RFX3: variants seen among roughly 807,000 people sequenced by gnomAD.
RFX3 encodes regulatory factor X3, also known as transcription factor RFX3.
Under a neutral mutation model 98.6 loss-of-function variants are expected in RFX3, and 14 were observed. The observed-to-expected ratio is 0.14, with a 90% confidence interval of 0.09 to 0.22. RFX3 has a LOEUF of 0.22. RFX3 is among the 10% of genes least tolerant of loss of function. The pLI is 1.00. For synonymous variants in RFX3, 383 were observed against 328.4 expected (o/e 1.17, Z -1.80); for missense variants, 639 against 926.9 (o/e 0.69, Z 4.03).
At chr9:3,353,066 A>C (rs1835341319) in intron 2 of RFX3, among the ~76,000 whole-genome samples, 1 of 152,054 alleles carries the variant, frequency 6.6e-6, no homozygotes, top group African/African-American at 2.4e-5. Context: ...ATGAAACTGG[A>C]AATCATCATT....
intron 15 of RFX3, among the ~76,000 whole-genome samples, chr9:3,235,001 C>A (rs981290709): frequency 6.6e-6 from 1 of 152,210 alleles, no homozygotes; most frequent in African/African-American, 2.4e-5. Flanking sequence ...TCATCTTCCT[C>A]CACTTTCGCT....
intron 5 of RFX3, among the ~76,000 whole-genome samples, chr9:3,295,225 A>T (rs1243237645): frequency 6.6e-6 from 1 of 151,830 alleles, no homozygotes; most frequent in African/African-American, 2.4e-5. Flanking sequence ...TTTTTTTTTA[A>T]GACTTTATTA....
chr9:3,256,889 T>G, intron 14 of RFX3, 102 bp downstream of exon 14: 1 of 1,105,802 alleles, frequency 9.0e-7, no homozygotes, highest in Non-Finnish European at 1.3e-6. Context: ...ACTAAAGTCT[T>G]TATTACTTTC....
At chr9:3,516,234 G>C (rs1305314839) in intron 1 of RFX3, among the ~76,000 whole-genome samples, 2 of 151,952 alleles carry the variant, frequency 1.3e-5, no homozygotes, top group East Asian at 1.9e-4. Flanking sequence ...ATTTTTAGTA[G>C]AGACGGGGTT....
At chr9:3,329,615 A>G (rs75411056) in intron 4 of RFX3, among the ~76,000 whole-genome samples, 1 of 152,178 alleles carries the variant, frequency 6.6e-6, no homozygotes, top group East Asian at 1.9e-4. Context: ...ACGAATTTAC[A>G]TATGGCACAT....
intron 16 of RFX3, 89 bp downstream of exon 16, chr9:3,228,758 G>A: frequency 9.9e-7 from 1 of 1,010,804 alleles, no homozygotes; most frequent in Non-Finnish European, 1.4e-6. Flanking sequence ...CACAAAATCA[G>A]AGTGTTGTAA....
At position 3,414,681 on chromosome 9, in the gene RFX3, AGTATATAT is replaced by A. The variant is rs1208850981; in HGVS notation, c.-8-19093_-8-19086del. 3.9e-5 allele frequency among the ~76,000 whole-genome samples: 5 copies of A among 129,588 alleles called. No individual in the cohort carries two copies. The Admixed American group carries it at 3.9e-4, about 10-fold the overall frequency. 85.0% of individuals were successfully genotyped at this position (129,588 alleles called of 152,430 possible). A position where few individuals can be genotyped will look rare whatever the true frequency, so the allele number is the denominator to read the frequency against. ...ATATATGAGTATATATGTATATATG[AGTATATAT>A]GTATATATGAGTATATATGAGTATA... On this transcript the variant is annotated intron_variant, in intron 1 of 16. Coordinates refer to ENST00000617270, the MANE Select transcript of RFX3 (RefSeq NM_001282116.2).
At chr9:3,452,343 T>G (rs1436071886) in intron 1 of RFX3, 1 of 328,520 alleles carries the variant, frequency 3.0e-6, no homozygotes, top group Non-Finnish European at 6.5e-6. Flanking sequence ...GTAATCTCAG[T>G]GCTTTGGGAG....
At chr9:3,453,623 T>C (rs1468603445) in intron 1 of RFX3, 1 of 154,064 alleles carries the variant, frequency 6.5e-6, no homozygotes, top group Non-Finnish European at 1.4e-5. Context: ...GGCATGAGAA[T>C]TACTTGAACC....
chr9:3,279,634 T>G (rs1002002053), intron 7 of RFX3, among the ~76,000 whole-genome samples: 1 of 151,830 alleles, frequency 6.6e-6, no homozygotes, highest in Non-Finnish European at 1.5e-5. Flanking sequence ...ATATTCCACT[T>G]AGACTGTAAG....
At chr9:3,329,500 T>TA (rs1260325595) in intron 4 of RFX3, among the ~76,000 whole-genome samples, 1 of 151,188 alleles carries the variant, frequency 6.6e-6, no homozygotes, top group African/African-American at 2.4e-5. Flanking sequence ...TGTATGCTCC[T>TA]AAGATACTGT....
intron 1 of RFX3, among the ~76,000 whole-genome samples, chr9:3,515,213 C>G (rs1406962024): frequency 2.6e-5 from 4 of 152,086 alleles, no homozygotes; most frequent in Admixed American, 1.3e-4. Flanking sequence ...TTTTTAATTC[C>G]TTTCTAAAAT....
intron 8 of RFX3, among the ~76,000 whole-genome samples, chr9:3,276,407 C>G (rs993924984): frequency 2.9e-4 from 44 of 152,004 alleles, no homozygotes; most frequent in African/African-American, 1.0e-3. Context: ...TACCATAAAT[C>G]CAGGTACAAA....
chr9:3,448,186 C>A (rs985162662), intron 1 of RFX3, among the ~76,000 whole-genome samples: 16 of 152,164 alleles, frequency 1.1e-4, no homozygotes, highest in Middle Eastern at 3.4e-3. Flanking sequence ...TACATTCTTA[C>A]AATTCACAGT....
intron 2 of RFX3, among the ~76,000 whole-genome samples, chr9:3,351,461 C>A (rs934313119): frequency 6.6e-6 from 1 of 151,688 alleles, no homozygotes; most frequent in African/African-American, 2.4e-5. Flanking sequence ...AAGAGCAAGT[C>A]AGATTTGAAC....
intron 15 of RFX3, among the ~76,000 whole-genome samples, chr9:3,245,198 T>C (rs1454330391): frequency 1.3e-5 from 2 of 152,210 alleles, no homozygotes; most frequent in Admixed American, 1.3e-4. Context: ...TTTAAGGTAT[T>C]CTGGAGTAAC....
intron 2 of RFX3, among the ~76,000 whole-genome samples, chr9:3,361,999 G>T (rs1301316968): frequency 6.6e-6 from 1 of 152,054 alleles, no homozygotes; most frequent in African/African-American, 2.4e-5. Context: ...AATAAATCTT[G>T]CCAAAAACAA....
At chr9:3,300,006 G>A (rs1044863901) in intron 5 of RFX3, among the ~76,000 whole-genome samples, 3 of 148,710 alleles carry the variant, frequency 2.0e-5, no homozygotes, top group Non-Finnish European at 4.4e-5. Context: ...GGAAACTTCA[G>A]GTTTTTTTTT....
intron 6 of RFX3, among the ~76,000 whole-genome samples, chr9:3,292,213 T>G (rs375405455): frequency 1.3e-5 from 2 of 151,944 alleles, no homozygotes; most frequent in East Asian, 3.8e-4. Flanking sequence ...TCTATAAGAT[T>G]TAGGAAATTA....
Sources: allele counts gnomAD v4.1 joint callset (sites outside exome capture counted in the v4.1 genomes callset), GRCh38; gene constraint gnomAD v4.1.1; transcripts MANE v1.5; gene names NCBI Gene and HGNC (gene_info 2026-07-23, HGNC 2026-07-21).